EXOC6B: variants seen among roughly 807,000 people sequenced by gnomAD.
EXOC6B encodes exocyst complex component 6B.
In EXOC6B, 54 loss-of-function variants were observed where a neutral mutation model predicts 113.5. The ratio of observed to expected loss-of-function variants is 0.48; its 90% CI spans 0.38 to 0.60. The LOEUF (loss-of-function observed/expected upper bound fraction) is 0.60, where lower values mean the gene tolerates loss of function less well. EXOC6B is among the 20% of genes least tolerant of loss of function. The pLI, the probability that EXOC6B is intolerant of heterozygous loss-of-function variation, is 0.00. For synonymous variants in EXOC6B, 357 were observed against 339.0 expected (o/e 1.05, Z -0.58); for missense variants, 797 against 977.5 (o/e 0.82, Z 2.46).
chr2:72,465,743 G>A (rs79156043), intron 17 of EXOC6B, among the ~76,000 whole-genome samples: 1,759 of 152,238 alleles, frequency 0.012, 11 homozygotes, highest in Middle Eastern at 0.027. Context: ...CATCAACACA[G>A]ACTTGTGCAG....
intron 1 of EXOC6B, among the ~76,000 whole-genome samples, chr2:72,784,945 G>A (rs890163697): frequency 6.6e-6 from 1 of 152,156 alleles, no homozygotes; most frequent in Non-Finnish European, 1.5e-5. Context: ...TCCCACCTAT[G>A]AGCCTGTAAA....
intron 20 of EXOC6B, among the ~76,000 whole-genome samples, chr2:72,314,378 C>T (rs1414879794): frequency 6.6e-6 from 1 of 152,166 alleles, no homozygotes; most frequent in Non-Finnish European, 1.5e-5. Flanking sequence ...TTTACCAAAA[C>T]ACTGCTTGCA....
At chr2:72,550,787 A>G (rs1460369008) in intron 8 of EXOC6B, among the ~76,000 whole-genome samples, 1 of 152,154 alleles carries the variant, frequency 6.6e-6, no homozygotes, top group Non-Finnish European at 1.5e-5. Context: ...TATATTGACG[A>G]CAGAGACCAG....
chr2:72,440,307 A>C (rs1399036591), intron 18 of EXOC6B, among the ~76,000 whole-genome samples: 2 of 152,356 alleles, frequency 1.3e-5, no homozygotes, highest in East Asian at 1.9e-4. Flanking sequence ...AATAAAGGCC[A>C]GGTCACCTAT....
chr2:72,517,803 T>C (rs185074290), intron 8 of EXOC6B, among the ~76,000 whole-genome samples: 42 of 152,328 alleles, frequency 2.8e-4, no homozygotes, highest in Admixed American at 1.4e-3. Flanking sequence ...ATTTAATTTT[T>C]TGTTATAAAT....
intron 1 of EXOC6B, among the ~76,000 whole-genome samples, chr2:72,765,655 A>G (rs1343860466): frequency 6.6e-6 from 1 of 152,182 alleles, no homozygotes; most frequent in East Asian, 1.9e-4. Context: ...CATGGGTGAC[A>G]CAGCAAGACT....
chr2:72,179,843 C>A (rs1677974802), intron 21 of EXOC6B, among the ~76,000 whole-genome samples: 1 of 152,274 alleles, frequency 6.6e-6, no homozygotes, highest in South Asian at 2.1e-4. Context: ...CCACTCATTA[C>A]CTCATGAACC....
At chr2:72,718,891 CA>C (rs944574266) in intron 5 of EXOC6B, among the ~76,000 whole-genome samples, 1 of 150,532 alleles carries the variant, frequency 6.6e-6, no homozygotes, top group African/African-American at 2.4e-5. Context: ...GTCTCAATGC[CA>C]AAAAAAAATT....
intron 20 of EXOC6B, among the ~76,000 whole-genome samples, chr2:72,200,241 C>T (rs372421107): frequency 6.6e-6 from 1 of 152,212 alleles, no homozygotes; most frequent in African/African-American, 2.4e-5. Flanking sequence ...AAGACCAGTA[C>T]TGTAGCCCTG....
intron 18 of EXOC6B, among the ~76,000 whole-genome samples, chr2:72,418,308 T>A (rs184348943): frequency 1.1e-4 from 17 of 152,298 alleles, no homozygotes; most frequent in Admixed American, 5.9e-4. Context: ...AAACTGAAAC[T>A]CTATACCCAT....
chr2:72,371,180 C>A (rs1004802381), intron 19 of EXOC6B, among the ~76,000 whole-genome samples: 9 of 151,826 alleles, frequency 5.9e-5, no homozygotes, highest in Admixed American at 5.9e-4. Context: ...AAATCAATAA[C>A]AAGTAACAAG....
intron 18 of EXOC6B, among the ~76,000 whole-genome samples, chr2:72,382,110 C>A (rs1691713790): frequency 6.6e-6 from 1 of 152,110 alleles, no homozygotes; most frequent in Admixed American, 6.5e-5. Flanking sequence ...AAAACAAATT[C>A]TAAAGAGAAA....
Position 72,410,148 on chromosome 2 carries a change from A to G in EXOC6B, c.1981-30278T>C, listed in dbSNP as rs146513347. Among the ~76,000 whole-genome samples the G allele has an allele frequency of 1.9e-3, 289 of 152,236 alleles. 1 individual carries two copies. The highest frequency in any genetic ancestry group is 6.4e-3 in the African/African-American group (266 of 41,550). ...TCTGACAGTTTCTGCTTATTCTTCA[A>G]TGTTTCTGTAGGACGACTTTGAAGC... On this transcript the variant is annotated intron_variant, in intron 18 of 21. Coordinates refer to ENST00000272427, the MANE Select transcript of EXOC6B (RefSeq NM_015189.3).
chr2:72,685,226 T>C (rs1023828476), intron 6 of EXOC6B, among the ~76,000 whole-genome samples: 3 of 152,184 alleles, frequency 2.0e-5, no homozygotes, highest in Admixed American at 1.3e-4. Context: ...TTCTGTATGT[T>C]TGAAATTTTT....
At chr2:72,765,914 C>T (rs1683030959) in intron 1 of EXOC6B, among the ~76,000 whole-genome samples, 1 of 152,156 alleles carries the variant, frequency 6.6e-6, no homozygotes, top group African/African-American at 2.4e-5. Context: ...TAGAGAATCC[C>T]GGTACCTTAA....
At chr2:72,346,098 A>G (rs1453489900) in intron 19 of EXOC6B, among the ~76,000 whole-genome samples, 1 of 152,192 alleles carries the variant, frequency 6.6e-6, no homozygotes, top group Non-Finnish European at 1.5e-5. Flanking sequence ...AAATGTGATT[A>G]AAATTGATAA....
At chr2:72,744,265 T>C (rs1022304032) in intron 1 of EXOC6B, among the ~76,000 whole-genome samples, 1 of 152,212 alleles carries the variant, frequency 6.6e-6, no homozygotes, top group African/African-American at 2.4e-5. Flanking sequence ...AAGCAACATA[T>C]GACTGTACAT....
chr2:72,256,712 T>C (rs562868315), intron 20 of EXOC6B, among the ~76,000 whole-genome samples: 1 of 152,288 alleles, frequency 6.6e-6, no homozygotes, highest in South Asian at 2.1e-4. Context: ...TAAATGCAAC[T>C]TGAGAAATCA....
chr2:72,333,103 T>C (rs966788543), intron 20 of EXOC6B, among the ~76,000 whole-genome samples: 2 of 152,152 alleles, frequency 1.3e-5, no homozygotes, highest in Admixed American at 1.3e-4. Flanking sequence ...AGGCATACTC[T>C]TTCATTACCA....
Sources: gnomAD v4.1 joint callset for allele counts (sites outside exome capture counted in the v4.1 genomes callset) on GRCh38, gnomAD v4.1.1 for gene constraint, MANE v1.5 for transcripts, NCBI Gene and HGNC (gene_info 2026-07-23, HGNC 2026-07-21) for gene names.